The following NECAB1 variants were observed in gnomAD, a reference collection of about 807,000 sequenced individuals.
The protein encoded by NECAB1 is N-terminal EF-hand calcium-binding protein 1.
Under a neutral mutation model 57.5 loss-of-function variants are expected in NECAB1, and 29 were observed. The observed-to-expected ratio is 0.50, with a 90% CI of 0.38 to 0.69. The LOEUF is 0.69. NECAB1 is among the 30% of genes least tolerant of loss of function. The probability of loss-of-function intolerance (pLI) is 0.00; values close to 1 mark genes in which losing one functional copy is unlikely to be tolerated. For missense variants in NECAB1, 372 were observed against 413.8 expected (o/e 0.90, Z 0.88); for synonymous variants, 142 against 147.7 (o/e 0.96, Z 0.28).
chr8:90,792,263 C>A (rs960778047), intron 1 of NECAB1, among the ~76,000 whole-genome samples: 1 of 152,160 alleles, frequency 6.6e-6, no homozygotes, highest in Non-Finnish European at 1.5e-5. Flanking sequence ...ATACAACAGA[C>A]AACATTTGAG....
At chr8:90,906,289 G>A (rs80033017) in intron 5 of NECAB1, among the ~76,000 whole-genome samples, 7,774 of 152,212 alleles carry the variant, frequency 0.051, 286 homozygotes, top group South Asian at 0.068. Context: ...ACTGAATCTT[G>A]ATTTTAGGTT....
At chr8:90,794,439 G>C (rs184287448) in intron 1 of NECAB1, among the ~76,000 whole-genome samples, 38 of 152,196 alleles carry the variant, frequency 2.5e-4, no homozygotes, top group Admixed American at 2.0e-4. Context: ...TGTGTCTTCT[G>C]TATCAAACAG....
Position 90,862,673 on chromosome 8 carries a change from T to C in NECAB1, c.234-9455T>C, listed in dbSNP as rs541671039. On this transcript the variant is annotated intron_variant, in intron 3 of 12. Transcript: ENST00000417640. ...AATTAATATGTTTTTTCTTTGAGACTGAATTTTTAAAATATAAGATCACTA... is the reference window on the plus strand; with the variant it reads ...AATTAATATGTTTTTTCTTTGAGACCGAATTTTTAAAATATAAGATCACTA... Among the ~76,000 whole-genome samples the C allele has an allele frequency of 1.6e-3, 240 of 152,242 alleles. 2 individuals carry two copies. The highest frequency in any genetic ancestry group is 5.2e-3 in the South Asian group (25 of 4,828).
At chr8:90,915,004 A>G (rs1248388426) in intron 5 of NECAB1, among the ~76,000 whole-genome samples, 1 of 152,186 alleles carries the variant, frequency 6.6e-6, no homozygotes, top group Non-Finnish European at 1.5e-5. Context: ...TGACATGGCA[A>G]ATATTTAACA....
chr8:90,904,449 A>G (rs1328838050), intron 5 of NECAB1, among the ~76,000 whole-genome samples: 1 of 152,054 alleles, frequency 6.6e-6, no homozygotes. Context: ...GATTTGCTAA[A>G]CATTTAAAAA....
intron 3 of NECAB1, among the ~76,000 whole-genome samples, chr8:90,833,193 C>T (rs1812319267): frequency 6.6e-6 from 1 of 152,094 alleles, no homozygotes; most frequent in South Asian, 2.1e-4. Flanking sequence ...TCATCATCTA[C>T]TTTTAGACTT....
At chr8:90,839,845 T>C (rs1812427551) in intron 3 of NECAB1, among the ~76,000 whole-genome samples, 1 of 152,324 alleles carries the variant, frequency 6.6e-6, no homozygotes, top group African/African-American at 2.4e-5. Flanking sequence ...GCCAAGCCAT[T>C]GAAGGGTCTT....
At chr8:90,817,990 T>C (rs56823823) in intron 2 of NECAB1, among the ~76,000 whole-genome samples, 83,136 of 151,566 alleles carry the variant, frequency 0.55, 26,268 homozygotes, top group East Asian at 0.85. Context: ...TATATATCAA[T>C]CTACGGAGAT....
chr8:90,818,749 ACT>A, intron 2 of NECAB1, among the ~76,000 whole-genome samples: 1 of 151,642 alleles, frequency 6.6e-6, no homozygotes, highest in Non-Finnish European at 1.5e-5. Flanking sequence ...CCTCTTTGGT[ACT>A]CTCTGAGCTT....
At chr8:90,948,024 G>C (rs1810849474) in intron 10 of NECAB1, among the ~76,000 whole-genome samples, 2 of 152,212 alleles carry the variant, frequency 1.3e-5, no homozygotes, top group Admixed American at 1.3e-4. Flanking sequence ...TCAGGAAGCA[G>C]TTGATGAAGA....
At chr8:90,923,769 T>C (rs1277053411) in intron 6 of NECAB1, among the ~76,000 whole-genome samples, 1 of 152,184 alleles carries the variant, frequency 6.6e-6, no homozygotes, top group South Asian at 2.1e-4. Context: ...AAAAGAGGTC[T>C]TGGAAATTAT....
intron 5 of NECAB1, among the ~76,000 whole-genome samples, chr8:90,885,272 T>C (rs922611734): frequency 2.0e-5 from 3 of 152,110 alleles, no homozygotes; most frequent in African/African-American, 7.2e-5. Flanking sequence ...ACAGAGTACA[T>C]AGTAATGTCT....
chr8:90,904,724 A>G (rs982867890), intron 5 of NECAB1, among the ~76,000 whole-genome samples: 1 of 152,170 alleles, frequency 6.6e-6, no homozygotes, highest in African/African-American at 2.4e-5. Context: ...TTGTATATCT[A>G]TAAACCAACA....
chr8:90,813,802 A>G (rs924913420), intron 2 of NECAB1, among the ~76,000 whole-genome samples: 3 of 152,148 alleles, frequency 2.0e-5, no homozygotes, highest in Non-Finnish European at 2.9e-5. Flanking sequence ...CTAATTTTTC[A>G]AAAAAGTTTT....
chr8:90,862,203 T>C (rs1808403716), intron 3 of NECAB1, among the ~76,000 whole-genome samples: 1 of 152,176 alleles, frequency 6.6e-6, no homozygotes, highest in South Asian at 2.1e-4. Flanking sequence ...AAATATAGAA[T>C]ATCCTGTACA....
intron 12 of NECAB1, among the ~76,000 whole-genome samples, chr8:90,955,105 AT>A (rs1377948310): frequency 1.1e-5 from 1 of 90,072 alleles, no homozygotes; most frequent in Non-Finnish European, 2.1e-5. Context: ...AATATTGGGT[AT>A]ATAAATTATA....
At chr8:90,884,569 A>G (rs1395560374) in intron 5 of NECAB1, among the ~76,000 whole-genome samples, 3 of 152,206 alleles carry the variant, frequency 2.0e-5, no homozygotes, top group African/African-American at 7.2e-5. Flanking sequence ...GGCATAGTAA[A>G]ATACCCTTGT....
chr8:90,896,614 C>CAAAAAAAAAAA (rs1809345382), intron 5 of NECAB1, among the ~76,000 whole-genome samples: 2 of 150,236 alleles, frequency 1.3e-5, no homozygotes, highest in South Asian at 4.2e-4. Flanking sequence ...CAAAAAAAAA[C>CAAAAAAAAAAA]AAAAACAAAA....
intron 5 of NECAB1, among the ~76,000 whole-genome samples, chr8:90,915,441 A>G (rs1471932880): frequency 1.3e-5 from 2 of 152,098 alleles, no homozygotes; most frequent in Admixed American, 6.6e-5. Context: ...GATTTAACTC[A>G]CCCAAAACTC....
Sources: gnomAD v4.1 joint callset for allele counts (sites outside exome capture counted in the v4.1 genomes callset) on GRCh38, gnomAD v4.1.1 for gene constraint, MANE v1.5 for transcripts, NCBI Gene and HGNC (gene_info 2026-07-23, HGNC 2026-07-21) for gene names.